TAOK1: variants seen among roughly 807,000 people sequenced by gnomAD.
TAOK1 encodes the protein TAO kinase 1, also known as serine/threonine-protein kinase TAO1.
In TAOK1, 21 loss-of-function variants were observed where a neutral mutation model predicts 138.3. The ratio of observed to expected loss-of-function variants is 0.15; its 90% confidence interval spans 0.11 to 0.22. The LOEUF (loss-of-function observed/expected upper bound fraction) is 0.22, where lower values mean the gene tolerates loss of function less well. Ranked by LOEUF, TAOK1 falls within the 10% of genes least tolerant of loss-of-function variation. The pLI, the probability that TAOK1 is intolerant of heterozygous loss-of-function variation, is 1.00. For synonymous variants in TAOK1, 361 were observed against 398.4 expected (o/e 0.91, Z 1.12); for missense variants, 651 against 1,227.7 (o/e 0.53, Z 7.02).
intron 18 of TAOK1, among the ~76,000 whole-genome samples, chr17:29,532,190 C>T (rs2032127396): frequency 1.3e-5 from 2 of 152,132 alleles, no homozygotes; most frequent in African/African-American, 4.8e-5. Flanking sequence ...GAAAACACCA[C>T]TCTTAGCTCA....
chr17:29,472,127 A>G (rs948314409), intron 3 of TAOK1, among the ~76,000 whole-genome samples: 5 of 152,126 alleles, frequency 3.3e-5, no homozygotes, highest in African/African-American at 1.2e-4. Context: ...AATGTTGCTA[A>G]TTTGCCCTCC....
intron 1 of TAOK1, among the ~76,000 whole-genome samples, chr17:29,401,164 C>T (rs1904828899): frequency 6.6e-6 from 1 of 152,090 alleles, no homozygotes; most frequent in Non-Finnish European, 1.5e-5. Context: ...ATCCTCTTGC[C>T]TTGGCCTCCC....
chr17:29,548,189 C>CT lies in TAOK1; in HGVS notation c.*5169dup, dbSNP rs1401070363. ...ATACAAGGGAAGAGACTCCATTTAGCTTAACGGTAGTCTTTAGATCATAAG... is the reference window on the plus strand; with the variant it reads ...ATACAAGGGAAGAGACTCCATTTAGCTTTAACGGTAGTCTTTAGATCATAAG... On this transcript the variant is annotated 3_prime_UTR_variant, in exon 20 of 20. Coordinates refer to ENST00000261716, the MANE Select transcript of TAOK1 (RefSeq NM_020791.4). 2.6e-5 allele frequency: 4 copies of CT among 152,090 alleles called. No individual in the cohort carries two copies. Among genetic ancestry groups the CT allele is most frequent in the Admixed American group, 6.6e-5 (1 of 15,246 alleles). 9.4% of individuals were successfully genotyped at this position (152,090 alleles called of 1,614,324 possible). A position where few individuals can be genotyped will look rare whatever the true frequency, so the allele number is the denominator to read the frequency against.
intron 11 of TAOK1, among the ~76,000 whole-genome samples, chr17:29,496,248 GCAC>G (rs891342972): frequency 6.6e-6 from 1 of 151,842 alleles, no homozygotes; most frequent in African/African-American, 2.4e-5. Flanking sequence ...TTATAGGCGC[GCAC>G]CACCACACCT....
intron 19 of TAOK1, among the ~76,000 whole-genome samples, chr17:29,542,067 C>T (rs1051365445): frequency 6.6e-6 from 1 of 151,920 alleles, no homozygotes; most frequent in African/African-American, 2.4e-5. Flanking sequence ...TTAGTAGACA[C>T]AGGGTTTCAC....
At chr17:29,506,746 A>AT (rs528927847) in intron 13 of TAOK1, among the ~76,000 whole-genome samples, 147 of 152,342 alleles carry the variant, frequency 9.6e-4, no homozygotes, top group African/African-American at 3.4e-3. Flanking sequence ...TTGTCAAAAC[A>AT]TTAACATTTT....
At chr17:29,411,408 T>C (rs544663447) in intron 1 of TAOK1, among the ~76,000 whole-genome samples, 1 of 151,908 alleles carries the variant, frequency 6.6e-6, no homozygotes, top group South Asian at 2.1e-4. Context: ...TACTGTTTTT[T>C]TGAGACAGAA....
At chr17:29,414,849 G>T (rs966451523) in intron 1 of TAOK1, among the ~76,000 whole-genome samples, 2 of 152,090 alleles carry the variant, frequency 1.3e-5, no homozygotes, top group East Asian at 1.9e-4. Flanking sequence ...GTGAGCCACC[G>T]CACCCTGCCT....
rs1252696001 is a variant in TAOK1 at position 29,550,629 on chromosome 17, C to G, written c.*7607C>G. On this transcript the variant is annotated 3_prime_UTR_variant, in exon 20 of 20. Transcript: ENST00000261716. ...TTGAGATTTTTAACGTAACTATTAA[C>G]ACAGTTTTAACATAAGTTATCCCAC... The G allele has an allele frequency of 6.6e-6, 1 of 152,182 alleles. No individual in the cohort carries two copies. The highest frequency in any genetic ancestry group is 1.5e-5 in the Non-Finnish European group (1 of 68,032). The allele number at this position is 152,182 out of a possible 1,614,324, so 9.4% of individuals were successfully genotyped here. A position where few individuals can be genotyped will look rare whatever the true frequency, so the allele number is the denominator to read the frequency against.
At chr17:29,480,517 G>A in intron 7 of TAOK1, 36 bp downstream of exon 7, 2 of 1,525,132 alleles carry the variant, frequency 1.3e-6, no homozygotes, top group Non-Finnish European at 1.8e-6. Flanking sequence ...GCTGTTTTAA[G>A]TGTCTGTCTA....
intron 10 of TAOK1, among the ~76,000 whole-genome samples, chr17:29,493,816 A>G (rs1226999163): frequency 6.6e-6 from 1 of 152,234 alleles, no homozygotes; most frequent in Non-Finnish European, 1.5e-5. Context: ...AAAATTAGAA[A>G]TAGCTGCCCC....
chr17:29,515,784 C>T (rs755124278), intron 15 of TAOK1, among the ~76,000 whole-genome samples: 6 of 150,852 alleles, frequency 4.0e-5, no homozygotes, highest in African/African-American at 1.2e-4. Flanking sequence ...TGCAGTGAGC[C>T]GAGATCGCGC....
At chr17:29,504,074 G>A (rs1352583244) in intron 13 of TAOK1, among the ~76,000 whole-genome samples, 1 of 149,892 alleles carries the variant, frequency 6.7e-6, no homozygotes, top group Non-Finnish European at 1.5e-5. Flanking sequence ...TAGTCCCTCT[G>A]CACTCCAGCC....
At chr17:29,391,950 C>T (rs1904445801) in intron 1 of TAOK1, among the ~76,000 whole-genome samples, 1 of 152,212 alleles carries the variant, frequency 6.6e-6, no homozygotes, top group Non-Finnish European at 1.5e-5. Context: ...GGCGCGGTGG[C>T]TCACGCCTGT....
intron 16 of TAOK1, among the ~76,000 whole-genome samples, chr17:29,517,897 C>G (rs1210779107): frequency 6.6e-6 from 1 of 152,060 alleles, no homozygotes; most frequent in Non-Finnish European, 1.5e-5. Flanking sequence ...TCCATGTCGC[C>G]AAGTATGGAG....
At chr17:29,531,096 G>C (rs888479631) in intron 18 of TAOK1, among the ~76,000 whole-genome samples, 2 of 149,188 alleles carry the variant, frequency 1.3e-5, no homozygotes, top group Admixed American at 6.8e-5. Context: ...CAAGTAGCTG[G>C]GACTACAGGC....
At chr17:29,520,159 C>T (rs899894811) in intron 16 of TAOK1, among the ~76,000 whole-genome samples, 2 of 142,102 alleles carry the variant, frequency 1.4e-5, no homozygotes, top group Non-Finnish European at 3.0e-5. Flanking sequence ...CCAGCCTGGG[C>T]GACAGAGTGA....
At chr17:29,513,478 A>G (rs1198157480) in intron 15 of TAOK1, 1 of 152,208 alleles carries the variant, frequency 6.6e-6, no homozygotes, top group Non-Finnish European at 1.5e-5. Context: ...GTTTGTTTAG[A>G]TAATCCTTTA....
intron 1 of TAOK1, among the ~76,000 whole-genome samples, chr17:29,400,390 C>CA (rs565898026): frequency 0.37 from 30,176 of 81,614 alleles, 4,219 homozygotes; most frequent in East Asian, 0.67. Context: ...AACTCCGTCT[C>CA]AAAAAAAAAA....
Sources: allele counts gnomAD v4.1 joint callset (sites outside exome capture counted in the v4.1 genomes callset), GRCh38; gene constraint gnomAD v4.1.1; transcripts MANE v1.5; gene names NCBI Gene and HGNC (gene_info 2026-07-23, HGNC 2026-07-21).